The following CHN2 variants were observed in gnomAD, a reference collection of about 807,000 sequenced individuals.
CHN2 encodes the protein beta-chimaerin.
CHN2 carries 35 observed loss-of-function variants against 56.3 expected under a neutral mutation model. That is an observed-to-expected ratio of 0.62 (90% CI 0.47 to 0.82). CHN2 has a LOEUF of 0.82. Among genes scored for constraint, CHN2 ranks in the 40% least tolerant of loss-of-function variants. CHN2 has a pLI of 0.00. For synonymous variants in CHN2, 210 were observed against 212.8 expected, an observed-to-expected ratio of 0.99 and a Z score of 0.12; for missense variants, 491 against 580.5, an observed-to-expected ratio of 0.85 and a Z score of 1.58.
intron 2 of CHN2, among the ~76,000 whole-genome samples, chr7:29,189,153 G>C (rs1799087047): frequency 6.6e-6 from 1 of 151,978 alleles, no homozygotes; most frequent in Admixed American, 6.6e-5. Flanking sequence ...GTTTCACCAT[G>C]TTGGCCAGGC....
At chr7:29,508,360 G>A (rs766096567) in intron 11 of CHN2, among the ~76,000 whole-genome samples, 7 of 151,544 alleles carry the variant, frequency 4.6e-5, no homozygotes, top group Non-Finnish European at 8.8e-5. Context: ...CACATGACAC[G>A]GAAGTCAAGC....
At chr7:29,198,965 C>T (rs576849441) in intron 1 of CHN2, among the ~76,000 whole-genome samples, 5 of 152,292 alleles carry the variant, frequency 3.3e-5, no homozygotes, top group African/African-American at 9.6e-5. Context: ...ATAAAGTTGA[C>T]ACAGACTTTT....
Position 29,434,304 on chromosome 7 carries a change from T to C in CHN2, c.576+33476T>C, listed in dbSNP as rs74824410. 6.1e-3 allele frequency among the ~76,000 whole-genome samples: 934 copies of C among 152,266 alleles called. 11 individuals are homozygous for C. The highest frequency in any genetic ancestry group is 0.021 in the African/African-American group (871 of 41,546). Reference sequence around the variant, plus strand: ...CCACCATGTTCTCTGCCATGAGAAATGTAAAGGCCCCTTGTCAGTTTCATC... The same window carrying C: ...CCACCATGTTCTCTGCCATGAGAAACGTAAAGGCCCCTTGTCAGTTTCATC... On this transcript the variant is annotated intron_variant, in intron 6 of 12. Transcript: ENST00000222792.
chr7:29,174,106 C>T (rs1177877634), intron 2 of CHN2, among the ~76,000 whole-genome samples: 1 of 152,090 alleles, frequency 6.6e-6, no homozygotes, highest in South Asian at 2.1e-4. Context: ...TTGAGGAAGA[C>T]TAGGGCAGGG....
At chr7:29,352,537 CGCG>C (rs1797966111) in intron 1 of CHN2, among the ~76,000 whole-genome samples, 1 of 151,980 alleles carries the variant, frequency 6.6e-6, no homozygotes, top group Non-Finnish European at 1.5e-5. Flanking sequence ...GCCTGGCCAA[CGCG>C]GTGAAACTCC....
intron 1 of CHN2, among the ~76,000 whole-genome samples, chr7:29,218,443 C>G (rs993312740): frequency 3.9e-5 from 6 of 152,094 alleles, no homozygotes; most frequent in Non-Finnish European, 8.8e-5. Flanking sequence ...CCCAGCCATC[C>G]CATTACTGGG....
chr7:29,146,727 T>TC lies in CHN2; in HGVS notation c.145dup (p.Arg49ProfsTer23). ...GAATCTTAAAAATTAATGAAGAGCA[T>TC]CGGCGGGGTGCCATTCAGGTTGGTT... is the stretch of plus-strand genomic sequence containing the variant. On this transcript the variant is annotated frameshift_variant, in exon 1 of 7. Transcript: ENST00000439384. LOFTEE classifies it high-confidence loss of function. 6.4e-7 allele frequency: 1 copy of TC among 1,550,560 alleles called. No individual in the cohort carries two copies. The highest frequency in any genetic ancestry group is 8.7e-7 in the Non-Finnish European group (1 of 1,146,980).
chr7:29,332,604 A>G, intron 1 of CHN2, among the ~76,000 whole-genome samples: 1 of 152,122 alleles, frequency 6.6e-6, no homozygotes, highest in South Asian at 2.1e-4. Context: ...CCCATCCTCC[A>G]CAGTGTACTG....
chr7:29,262,928 G>A (rs909130484), intron 1 of CHN2, among the ~76,000 whole-genome samples: 10 of 146,578 alleles, frequency 6.8e-5, no homozygotes, highest in African/African-American at 9.8e-5. Context: ...CATATACCCC[G>A]GAACTTAAAA....
chr7:29,405,335 T>C (rs1471399021), intron 6 of CHN2, among the ~76,000 whole-genome samples: 1 of 151,964 alleles, frequency 6.6e-6, no homozygotes, highest in African/African-American at 2.4e-5. Context: ...TTTAGCAGAG[T>C]TTTACTAAAG....
At chr7:29,482,812 T>C (rs1585559580) in intron 7 of CHN2, among the ~76,000 whole-genome samples, 2 of 42,320 alleles carry the variant, frequency 4.7e-5, no homozygotes, top group Admixed American at 3.2e-4. Context: ...TTTTTTTTTT[T>C]TTTTTTTTTT....
At chr7:29,211,461 C>G (rs1034122026) in intron 1 of CHN2, among the ~76,000 whole-genome samples, 5 of 148,882 alleles carry the variant, frequency 3.4e-5, no homozygotes, top group Non-Finnish European at 7.4e-5. Flanking sequence ...CACACACACA[C>G]ACACACACAC....
chr7:29,195,629 A>AGAGAGAGAGAGTGTGTGT (rs869037854), intron 1 of CHN2, among the ~76,000 whole-genome samples: 232 of 117,464 alleles, frequency 2.0e-3, no homozygotes, highest in African/African-American at 4.5e-3. Flanking sequence ...AGAGAGAGAG[A>AGAGAGAGAGAGTGTGTGT]GTGTGTGTGT....
At chr7:29,273,275 G>A (rs1790810384) in intron 1 of CHN2, among the ~76,000 whole-genome samples, 3 of 146,604 alleles carry the variant, frequency 2.0e-5, no homozygotes, top group African/African-American at 7.6e-5. Context: ...CATCCATGAT[G>A]TGGCAAATGG....
At chr7:29,355,130 G>A (rs977304904) in intron 2 of CHN2, among the ~76,000 whole-genome samples, 4 of 151,604 alleles carry the variant, frequency 2.6e-5, no homozygotes, top group South Asian at 2.1e-4. Context: ...CACCATGCCC[G>A]GCTAATTTTT....
chr7:29,372,402 A>G (rs113310391), intron 3 of CHN2, among the ~76,000 whole-genome samples: 1,892 of 152,084 alleles, frequency 0.012, 35 homozygotes, highest in African/African-American at 0.043. Flanking sequence ...TCTCTGTCAT[A>G]TTGCCTTGTT....
upstream of CHN2, among the ~76,000 whole-genome samples, chr7:29,190,245 ACTTT>A (rs1782719578): frequency 1.3e-5 from 2 of 152,236 alleles, no homozygotes; most frequent in Admixed American, 1.3e-4. Flanking sequence ...CAAAAGGACC[ACTTT>A]CAGGGTACGG....
chr7:29,484,036 T>G, intron 7 of CHN2: 1 of 513,564 alleles, frequency 1.9e-6, no homozygotes, highest in South Asian at 1.6e-5. Context: ...ACTTGTATTT[T>G]TGTATCTAGC....
At chr7:29,185,013 C>T (rs569149286) in intron 2 of CHN2, among the ~76,000 whole-genome samples, 2 of 152,138 alleles carry the variant, frequency 1.3e-5, no homozygotes, top group African/African-American at 4.8e-5. Context: ...GTCTGTGATA[C>T]CCCCTCTTTC....
Sources: gnomAD v4.1 joint callset for allele counts (sites outside exome capture counted in the v4.1 genomes callset) on GRCh38, gnomAD v4.1.1 for gene constraint, MANE v1.5 for transcripts, NCBI Gene and HGNC (gene_info 2026-07-23, HGNC 2026-07-21) for gene names.